Variants in CACNG3 observed in about 807,000 individuals in gnomAD.
The protein encoded by CACNG3 is voltage-dependent calcium channel gamma-3 subunit.
CACNG3 carries 3 observed loss-of-function variants against 28.5 expected under a neutral mutation model. The ratio of observed to expected loss-of-function variants is 0.11; its 90% CI spans 0.05 to 0.27. The LOEUF is 0.27. Among genes scored for constraint, CACNG3 ranks in the 10% least tolerant of loss-of-function variants. The probability of loss-of-function intolerance (pLI) is 1.00; values close to 1 mark genes in which losing one functional copy is unlikely to be tolerated. For synonymous variants in CACNG3, 174 were observed against 162.2 expected (o/e 1.07, Z -0.55); for missense variants, 236 against 414.4 (o/e 0.57, Z 3.74).
chr16:24,288,100 C>A (rs149588830), intron 1 of CACNG3, among the ~76,000 whole-genome samples: 1 of 152,050 alleles, frequency 6.6e-6, no homozygotes, highest in Non-Finnish European at 1.5e-5. Flanking sequence ...TTGAAATAGG[C>A]GTAATTATTC....
At chr16:24,345,238 C>A (rs1203786583) in intron 1 of CACNG3, among the ~76,000 whole-genome samples, 1 of 152,222 alleles carries the variant, frequency 6.6e-6, no homozygotes, top group African/African-American at 2.4e-5. Context: ...CCCACGACAT[C>A]ACAATGCCCG....
rs547677057 is a variant in CACNG3 at position 24,263,496 on chromosome 16, A to G, written c.211+6531A>G. 2.0e-5 allele frequency among the ~76,000 whole-genome samples: 3 copies of G among 152,346 alleles called. No individual in the cohort carries two copies. In the South Asian group the frequency reaches 6.2e-4, roughly 32 times the overall value. On this transcript the variant is annotated intron_variant, in intron 1 of 3. Transcript: ENST00000005284. ...CCCAAGGTTGTTTTAATTTTCTCCC[A>G]TCTCATAACCCTGCCACAGCACACT...
intron 1 of CACNG3, among the ~76,000 whole-genome samples, chr16:24,271,539 C>A (rs1456279351): frequency 9.9e-5 from 15 of 152,126 alleles, no homozygotes; most frequent in Non-Finnish European, 1.9e-4. Context: ...GTGCAGCTTC[C>A]CCTTCTCAGC....
chr16:24,346,874 A>T, intron 2 of CACNG3, 57 bp downstream of exon 2: 5 of 1,356,318 alleles, frequency 3.7e-6, no homozygotes, highest in Non-Finnish European at 5.3e-6. Context: ...CTCTGCCATC[A>T]CTCAGCTGCC....
At chr16:24,299,659 A>G (rs1013270346) in intron 1 of CACNG3, among the ~76,000 whole-genome samples, 1 of 152,220 alleles carries the variant, frequency 6.6e-6, no homozygotes. Context: ...ATCTACTTGT[A>G]TCTATCTTAA....
chr16:24,354,043 A>C (rs1453597591), intron 2 of CACNG3, among the ~76,000 whole-genome samples: 3 of 152,028 alleles, frequency 2.0e-5, no homozygotes, highest in Non-Finnish European at 4.4e-5. Context: ...AAATACAAAA[A>C]TCAGCCAGGC....
chr16:24,336,790 G>T (rs936054141), intron 1 of CACNG3, among the ~76,000 whole-genome samples: 4 of 151,800 alleles, frequency 2.6e-5, no homozygotes, highest in Non-Finnish European at 4.4e-5. Flanking sequence ...GTAGGCATTA[G>T]GATTTTCTTT....
chr16:24,323,921 C>A lies in CACNG3; in HGVS notation c.212-22813C>A, dbSNP rs573207231. Among the ~76,000 whole-genome samples the A allele has an allele frequency of 1.3e-3, 199 of 152,258 alleles. 2 individuals carry two copies. Among genetic ancestry groups the A allele is most frequent in the Non-Finnish European group, 9.7e-4 (66 of 68,016 alleles). ...GAGCTGGGATTACAGGTGCACACCA[C>A]CACACCAGGCTAATTTGTTTATTTT... On this transcript the variant is annotated intron_variant, in intron 1 of 3. Transcript: ENST00000005284.
Position 24,274,728 on chromosome 16 carries a change from A to C in CACNG3, c.211+17763A>C, listed in dbSNP as rs551364926. On this transcript the variant is annotated intron_variant, in intron 1 of 3. Coordinates refer to ENST00000005284, the MANE Select transcript of CACNG3 (RefSeq NM_006539.4). ...CTAGAATATCCCCGAGATGAGCTAC[A>C]TCGGGGAGCCATTAGCACTTAAGTT... is the stretch of plus-strand genomic sequence containing the variant. 9.2e-5 allele frequency among the ~76,000 whole-genome samples: 14 copies of C among 152,330 alleles called. No individual in the cohort carries two copies. The East Asian group carries it at 2.7e-3, about 29-fold the overall frequency.
At chr16:24,360,982 A>G (rs1296999479) in intron 3 of CACNG3, among the ~76,000 whole-genome samples, 1 of 152,238 alleles carries the variant, frequency 6.6e-6, no homozygotes, top group Non-Finnish European at 1.5e-5. Flanking sequence ...CTAATGGTAA[A>G]GAATTCAAGG....
At chr16:24,289,773 C>T (rs560384526) in intron 1 of CACNG3, among the ~76,000 whole-genome samples, 25 of 152,338 alleles carry the variant, frequency 1.6e-4, no homozygotes, top group Non-Finnish European at 3.1e-4. Flanking sequence ...TCACTTAATT[C>T]CTGTGTGCCT....
intron 1 of CACNG3, among the ~76,000 whole-genome samples, chr16:24,273,858 T>A (rs1284013792): frequency 6.6e-6 from 1 of 152,134 alleles, no homozygotes; most frequent in African/African-American, 2.4e-5. Flanking sequence ...TTTTAACAGA[T>A]CATTTAAGAG....
chr16:24,312,947 G>GAAAC (rs879920459), intron 1 of CACNG3, among the ~76,000 whole-genome samples: 1 of 104,886 alleles, frequency 9.5e-6, no homozygotes. Flanking sequence ...AAGAAAGAAA[G>GAAAC]AAAGAAAGAG....
intron 1 of CACNG3, among the ~76,000 whole-genome samples, chr16:24,278,460 A>G (rs1284668120): frequency 6.6e-6 from 1 of 152,094 alleles, no homozygotes; most frequent in East Asian, 1.9e-4. Context: ...TACTGAAAAT[A>G]CAAAAATTAG....
At chr16:24,336,066 G>A (rs1202243126) in intron 1 of CACNG3, among the ~76,000 whole-genome samples, 1 of 151,748 alleles carries the variant, frequency 6.6e-6, no homozygotes, top group Non-Finnish European at 1.5e-5. Context: ...CCTAACCCTA[G>A]GCCCTGAGCT....
At chr16:24,267,167 C>CAGGACA (rs1898622344) in intron 1 of CACNG3, among the ~76,000 whole-genome samples, 1 of 151,912 alleles carries the variant, frequency 6.6e-6, no homozygotes, top group South Asian at 2.1e-4. Context: ...GGGGTTTCAC[C>CAGGACA]GTGTTAGCCA....
At chr16:24,352,203 T>C (rs899740930) in intron 2 of CACNG3, among the ~76,000 whole-genome samples, 3 of 152,072 alleles carry the variant, frequency 2.0e-5, no homozygotes, top group Non-Finnish European at 4.4e-5. Flanking sequence ...CGGCCGGAGC[T>C]AAACAGGCAG....
chr16:24,331,227 T>C (rs1421268958), intron 1 of CACNG3, among the ~76,000 whole-genome samples: 1 of 152,028 alleles, frequency 6.6e-6, no homozygotes, highest in Non-Finnish European at 1.5e-5. Context: ...AACCAAATAA[T>C]GAAGGACCAA....
intron 2 of CACNG3, among the ~76,000 whole-genome samples, chr16:24,352,005 C>T (rs1596652601): frequency 1.3e-5 from 2 of 151,920 alleles, no homozygotes; most frequent in Admixed American, 1.3e-4. Context: ...TTAGTAGAGA[C>T]GGGGTTTACC....
Sources: gnomAD v4.1 joint callset for allele counts (sites outside exome capture counted in the v4.1 genomes callset) on GRCh38, gnomAD v4.1.1 for gene constraint, MANE v1.5 for transcripts, NCBI Gene and HGNC (gene_info 2026-07-23, HGNC 2026-07-21) for gene names.